SPATA17: variants seen among roughly 807,000 people sequenced by gnomAD.
The protein encoded by SPATA17 is spermatogenesis-associated protein 17.
In SPATA17, 53 loss-of-function variants were observed where a neutral mutation model predicts 62.2. The observed-to-expected ratio is 0.85, with a 90% CI of 0.68 to 1.07. The LOEUF is 1.07. Ranked by LOEUF, SPATA17 falls within the 50% of genes least tolerant of loss-of-function variation. The pLI is 0.00. For synonymous variants in SPATA17, 146 were observed against 146.8 expected (o/e 0.99, Z 0.04); for missense variants, 466 against 425.5 (o/e 1.10, Z -0.84).
chr1:217,642,580 G>A (rs111781965), intron 1 of SPATA17, among the ~76,000 whole-genome samples: 3 of 152,254 alleles, frequency 2.0e-5, no homozygotes, highest in Admixed American at 6.5e-5. Context: ...TAATCCTTAC[G>A]TGTTGAAGGG....
intron 9 of SPATA17, among the ~76,000 whole-genome samples, chr1:217,858,656 G>C (rs999808500): frequency 6.6e-6 from 1 of 152,184 alleles, no homozygotes; most frequent in Non-Finnish European, 1.5e-5. Context: ...GGGAGGCTGA[G>C]GTGGGAGGAT....
intron 9 of SPATA17, among the ~76,000 whole-genome samples, chr1:217,839,242 G>A (rs1285487787): frequency 6.6e-6 from 1 of 152,046 alleles, no homozygotes; most frequent in Non-Finnish European, 1.5e-5. Context: ...AGAGACTAGA[G>A]AAGCCTCTCA....
At chr1:217,652,526 G>A (rs148853823) in intron 3 of SPATA17, among the ~76,000 whole-genome samples, 3 of 151,918 alleles carry the variant, frequency 2.0e-5, no homozygotes, top group African/African-American at 4.8e-5. Context: ...GAGCCACCAC[G>A]CCCGGCCAAA....
At chr1:217,714,037 T>C (rs1011101810) in intron 5 of SPATA17, among the ~76,000 whole-genome samples, 2 of 152,110 alleles carry the variant, frequency 1.3e-5, no homozygotes, top group African/African-American at 2.4e-5. Flanking sequence ...CACAAAGACA[T>C]GGCCCAGATT....
intron 1 of SPATA17, among the ~76,000 whole-genome samples, chr1:217,638,377 GA>G (rs1424924822): frequency 7.2e-5 from 11 of 152,196 alleles, no homozygotes; most frequent in Admixed American, 4.6e-4. Context: ...TGTGCTGCTG[GA>G]ATACAATAGA....
intron 5 of SPATA17, among the ~76,000 whole-genome samples, chr1:217,732,786 CCT>C (rs1491055219): frequency 6.8e-6 from 1 of 147,482 alleles, no homozygotes; most frequent in Non-Finnish European, 1.5e-5. Flanking sequence ...CATTTGGAGC[CCT>C]GAAAATAATG....
At chr1:217,663,326 T>A (rs376137455) in intron 3 of SPATA17, among the ~76,000 whole-genome samples, 39 of 151,584 alleles carry the variant, frequency 2.6e-4, no homozygotes, top group African/African-American at 4.6e-4. Flanking sequence ...GCGCTTGTAA[T>A]CCCAGCCACT....
At chr1:217,739,191 G>T (rs1368469448) in intron 5 of SPATA17, among the ~76,000 whole-genome samples, 1 of 151,784 alleles carries the variant, frequency 6.6e-6, no homozygotes, top group Non-Finnish European at 1.5e-5. Context: ...AGGGCAGAGA[G>T]TCTTGGAACT....
intron 5 of SPATA17, among the ~76,000 whole-genome samples, chr1:217,704,212 T>TCTC (rs1422411377): frequency 2.2e-5 from 3 of 136,570 alleles, no homozygotes; most frequent in Non-Finnish European, 4.7e-5. Context: ...TTATCCTAAC[T>TCTC]CTCCTCCTTC....
chr1:217,658,744 C>T (rs373631039), intron 3 of SPATA17, among the ~76,000 whole-genome samples: 23 of 151,900 alleles, frequency 1.5e-4, no homozygotes, highest in Admixed American at 7.9e-4. Context: ...GGCGACAGAG[C>T]GAGACTCTAT....
At chr1:217,644,821 C>A (rs1670144316) in intron 1 of SPATA17, among the ~76,000 whole-genome samples, 1 of 151,834 alleles carries the variant, frequency 6.6e-6, no homozygotes, top group Admixed American at 6.6e-5. Flanking sequence ...ATTATTAATT[C>A]ATTTAGTATT....
At chr1:217,831,444 A>T (rs1675139195) in intron 9 of SPATA17, among the ~76,000 whole-genome samples, 1 of 152,110 alleles carries the variant, frequency 6.6e-6, no homozygotes, top group South Asian at 2.1e-4. Flanking sequence ...CAGTTGGTCA[A>T]ATTATGCCAA....
At chr1:217,664,138 C>T (rs952083458) in intron 3 of SPATA17, among the ~76,000 whole-genome samples, 2 of 151,948 alleles carry the variant, frequency 1.3e-5, no homozygotes, top group African/African-American at 4.8e-5. Flanking sequence ...GAATATAAGG[C>T]TAAACTGAAG....
At chr1:217,709,153 A>G (rs1204624775) in intron 5 of SPATA17, among the ~76,000 whole-genome samples, 1 of 151,908 alleles carries the variant, frequency 6.6e-6, no homozygotes, top group South Asian at 2.1e-4. Context: ...ACATTTCCTT[A>G]TTCTGTTTTT....
Position 217,871,585 on chromosome 1 carries a change from G to T in SPATA17, c.*4566G>T, listed in dbSNP as rs146913848. 1 of 152,106 alleles carries T rather than the reference G, an allele frequency of 6.6e-6. No individual in the cohort carries two copies. Among genetic ancestry groups the T allele is most frequent in the African/African-American group, 2.4e-5 (1 of 41,430 alleles). The allele number at this position is 152,106 out of a possible 1,614,324, so 9.4% of individuals were successfully genotyped here. On this transcript the variant is annotated 3_prime_UTR_variant, in exon 11 of 11. Coordinates refer to ENST00000366933, the MANE Select transcript of SPATA17 (RefSeq NM_138796.4). Reference sequence around the variant, plus strand: ...GTTACAGATTTTAATAAACCACTGTGCAAAGCATTAGGATAAATTTTTATT... The same window carrying T: ...GTTACAGATTTTAATAAACCACTGTTCAAAGCATTAGGATAAATTTTTATT...
At position 217,742,015 on chromosome 1, in the gene SPATA17, GAGA is replaced by G. The variant is rs1478467906; in HGVS notation, c.442_444del (p.Lys148del). The stretch of plus-strand genomic sequence containing the variant: ...GTTTGCAGAAATGAAAGAAAGAGAA[GAGA>G]AGAAGGCTAACCTCGAAAGGGAAGA... On this transcript the variant is annotated inframe_deletion, in exon 6 of 11. Transcript: ENST00000366933. The G allele has an allele frequency of 4.3e-6, 7 of 1,613,894 alleles. No individual in the cohort carries two copies. In the South Asian group the frequency reaches 5.5e-5, roughly 13 times the overall value.
chr1:217,774,585 A>G (rs1673543464), intron 7 of SPATA17, 48 bp downstream of exon 7: 1 of 1,541,578 alleles, frequency 6.5e-7, no homozygotes, highest in Admixed American at 1.8e-5. Flanking sequence ...TATTCTTGCT[A>G]TTTTTTGCAC....
At chr1:217,652,486 G>A (rs1018877751) in intron 3 of SPATA17, among the ~76,000 whole-genome samples, 1 of 151,832 alleles carries the variant, frequency 6.6e-6, no homozygotes, top group African/African-American at 2.4e-5. Context: ...TGCCTGCCTC[G>A]GCCTCCCAAA....
chr1:217,834,257 G>A (rs1212988253), intron 9 of SPATA17, among the ~76,000 whole-genome samples: 5 of 152,080 alleles, frequency 3.3e-5, no homozygotes, highest in Admixed American at 3.3e-4. Context: ...GATAATAAAT[G>A]ACTATGTTAT....
Sources: gnomAD v4.1 joint callset for allele counts (sites outside exome capture counted in the v4.1 genomes callset) on GRCh38, gnomAD v4.1.1 for gene constraint, MANE v1.5 for transcripts, NCBI Gene and HGNC (gene_info 2026-07-23, HGNC 2026-07-21) for gene names.